Variants in RBPMS observed in about 807,000 individuals in gnomAD.
RBPMS encodes the protein RNA binding protein, mRNA processing factor.
A neutral mutation model predicts 26.8 loss-of-function variants in RBPMS; 7 were observed. The observed-to-expected ratio is 0.26, with a 90% CI of 0.15 to 0.49. The LOEUF (loss-of-function observed/expected upper bound fraction) is 0.49, where lower values mean the gene tolerates loss of function less well. RBPMS is among the 20% of genes least tolerant of loss of function. The pLI is 0.98. For missense variants in RBPMS, 186 were observed against 250.0 expected, an observed-to-expected ratio of 0.74 and a Z score of 1.73; for synonymous variants, 96 against 93.3, an observed-to-expected ratio of 1.03 and a Z score of -0.17.
rs184357013 is a variant in RBPMS, at chr8:30,431,928, C to G, written c.67-42851C>G. Among the ~76,000 whole-genome samples the G allele has an allele frequency of 9.9e-5, 15 of 151,758 alleles. No individual in the cohort carries two copies. In the East Asian group the frequency reaches 2.9e-3, roughly 30 times the overall value. ...TTGAGCCCAAGAGTTGGAGACCAGT[C>G]TGGGCAACATAGGGAGACCCTGTCT... On this transcript the variant is annotated intron_variant, in intron 1 of 8. Coordinates refer to ENST00000397323, the MANE Select transcript of RBPMS (RefSeq NM_001008710.3).
At chr8:30,414,374 G>C (rs1452327996) in intron 1 of RBPMS, among the ~76,000 whole-genome samples, 4 of 152,230 alleles carry the variant, frequency 2.6e-5, no homozygotes, top group African/African-American at 9.6e-5. Flanking sequence ...TTTGGCCTCA[G>C]TAGTGGTGGG....
intron 8 of RBPMS, among the ~76,000 whole-genome samples, chr8:30,567,638 TGA>T (rs956166219): frequency 6.5e-5 from 8 of 122,614 alleles, no homozygotes; most frequent in Middle Eastern, 5.1e-3. Context: ...TGGTTAGACA[TGA>T]TTTTAAATGC....
chr8:30,424,889 A>G (rs1408552966), intron 1 of RBPMS, among the ~76,000 whole-genome samples: 1 of 152,088 alleles, frequency 6.6e-6, no homozygotes, highest in Non-Finnish European at 1.5e-5. Context: ...TCTTGGGTAC[A>G]CGCGCGCACA....
intron 1 of RBPMS, among the ~76,000 whole-genome samples, chr8:30,427,839 G>GT (rs1453282378): frequency 1.3e-5 from 2 of 151,998 alleles, no homozygotes; most frequent in African/African-American, 4.8e-5. Context: ...GTGTAGGCTT[G>GT]TTGGGGTGGG....
intron 6 of RBPMS, chr8:30,545,585 T>C (rs1464950014): frequency 3.2e-6 from 1 of 308,386 alleles, no homozygotes; most frequent in African/African-American, 2.3e-5. Flanking sequence ...GCTCAGTGTT[T>C]GTTTACAAGG....
At chr8:30,522,198 T>C (rs116557947) in intron 5 of RBPMS, among the ~76,000 whole-genome samples, 5,128 of 149,594 alleles carry the variant, frequency 0.034, 305 homozygotes, top group African/African-American at 0.12. Context: ...ACTTGGGAGG[T>C]TGAGTTAGGA....
At chr8:30,562,459 G>A (rs1827579279) in intron 7 of RBPMS, among the ~76,000 whole-genome samples, 1 of 152,106 alleles carries the variant, frequency 6.6e-6, no homozygotes, top group Non-Finnish European at 1.5e-5. Flanking sequence ...TATGGATAAT[G>A]GTGCCCGTTA....
intron 1 of RBPMS, among the ~76,000 whole-genome samples, chr8:30,425,202 C>T (rs900654806): frequency 6.6e-6 from 1 of 151,872 alleles, no homozygotes; most frequent in African/African-American, 2.4e-5. Context: ...AGTGATCCTC[C>T]CGCCTTGGCC....
At chr8:30,421,747 G>A (rs1810814084) in intron 1 of RBPMS, among the ~76,000 whole-genome samples, 3 of 152,186 alleles carry the variant, frequency 2.0e-5, no homozygotes, top group Non-Finnish European at 1.5e-5. Context: ...ACAAGGTCAA[G>A]AGATCGAGAC....
chr8:30,477,557 A>C (rs1291929021), intron 2 of RBPMS, among the ~76,000 whole-genome samples: 2 of 152,188 alleles, frequency 1.3e-5, no homozygotes, highest in African/African-American at 4.8e-5. Flanking sequence ...ATGAAAAAAA[A>C]ATAGAAGGAA....
chr8:30,526,396 G>A (rs1190429369), intron 5 of RBPMS, among the ~76,000 whole-genome samples: 2 of 152,078 alleles, frequency 1.3e-5, no homozygotes, highest in East Asian at 1.9e-4. Context: ...TTGCTCTACC[G>A]TGTTGGTTAC....
At chr8:30,445,256 A>G (rs920773998) in intron 1 of RBPMS, 6 of 152,216 alleles carry the variant, frequency 3.9e-5, no homozygotes, top group African/African-American at 1.4e-4. Flanking sequence ...CAAAAGGACA[A>G]TGTGGGAATG....
chr8:30,499,350 A>T (rs1820315558), intron 4 of RBPMS, among the ~76,000 whole-genome samples: 1 of 152,216 alleles, frequency 6.6e-6, no homozygotes, highest in Admixed American at 6.6e-5. Flanking sequence ...GGTAATAATT[A>T]TTAATAGGTG....
intron 1 of RBPMS, among the ~76,000 whole-genome samples, chr8:30,434,318 G>A (rs142818338): frequency 1.3e-5 from 2 of 152,110 alleles, no homozygotes; most frequent in African/African-American, 2.4e-5. Context: ...GAAATGAGGA[G>A]TATCAAAGAT....
intron 1 of RBPMS, among the ~76,000 whole-genome samples, chr8:30,457,777 C>G (rs910934591): frequency 2.6e-5 from 4 of 151,966 alleles, no homozygotes; most frequent in Non-Finnish European, 5.9e-5. Context: ...GGGGTTTCAC[C>G]ATTTTGGTCA....
At chr8:30,464,648 C>CT in intron 1 of RBPMS, among the ~76,000 whole-genome samples, 1 of 152,256 alleles carries the variant, frequency 6.6e-6, no homozygotes, top group South Asian at 2.1e-4. Context: ...ACCATGAACT[C>CT]TGTGTTGTCT....
intron 7 of RBPMS, chr8:30,562,185 C>T (rs1184358920): frequency 3.4e-6 from 1 of 296,778 alleles, no homozygotes; most frequent in East Asian, 1.7e-4. Context: ...ACAAAAATTA[C>T]CCAAGCATGG....
intron 4 of RBPMS, among the ~76,000 whole-genome samples, chr8:30,493,087 T>C (rs1332718976): frequency 2.6e-5 from 4 of 152,218 alleles, no homozygotes; most frequent in Non-Finnish European, 4.4e-5. Flanking sequence ...AAGTTGGCCA[T>C]TAAAATTCTG....
chr8:30,511,486 A>ATATAT (rs1212814521), intron 5 of RBPMS, among the ~76,000 whole-genome samples: 3 of 23,548 alleles, frequency 1.3e-4, no homozygotes, highest in African/African-American at 4.9e-4. Context: ...AAAAAAAAAA[A>ATATAT]ATATATATAT....
Sources: gnomAD v4.1 joint callset for allele counts (sites outside exome capture counted in the v4.1 genomes callset) on GRCh38, gnomAD v4.1.1 for gene constraint, MANE v1.5 for transcripts, NCBI Gene and HGNC (gene_info 2026-07-23, HGNC 2026-07-21) for gene names.